Variants in DIAPH3 observed in about 807,000 individuals in gnomAD.
DIAPH3 encodes protein diaphanous homolog 3.
DIAPH3 carries 117 observed loss-of-function variants against 144.3 expected under a neutral mutation model. The observed-to-expected ratio is 0.81, with a 90% CI of 0.70 to 0.95. The LOEUF is 0.95. Among genes scored for constraint, DIAPH3 ranks in the 40% least tolerant of loss-of-function variants. The pLI is 0.00. For missense variants in DIAPH3, 1,421 were observed against 1,412.7 expected, an observed-to-expected ratio of 1.01 and a Z score of -0.09; for synonymous variants, 519 against 488.9, an observed-to-expected ratio of 1.06 and a Z score of -0.81.
At chr13:59,812,515 TAAC>T (rs1347773645) in intron 24 of DIAPH3, among the ~76,000 whole-genome samples, 2 of 152,054 alleles carry the variant, frequency 1.3e-5, no homozygotes, top group African/African-American at 4.8e-5. Context: ...AAATAATAAA[TAAC>T]AACAACAAAA....
chr13:59,774,890 CA>C, intron 25 of DIAPH3, 67 bp from the exon 26 acceptor site: 1 of 1,332,418 alleles, frequency 7.5e-7, no homozygotes, highest in Non-Finnish European at 1.1e-6. Flanking sequence ...AAAGCATATA[CA>C]AAAACTGGTG....
intron 25 of DIAPH3, among the ~76,000 whole-genome samples, chr13:59,796,959 G>T (rs1458640628): frequency 6.7e-6 from 1 of 150,296 alleles, no homozygotes; most frequent in African/African-American, 2.5e-5. Flanking sequence ...GTGTAGATAA[G>T]GAGAATTATG....
intron 17 of DIAPH3, among the ~76,000 whole-genome samples, chr13:59,954,450 A>G (rs1003774467): frequency 3.3e-5 from 5 of 152,198 alleles, no homozygotes; most frequent in Admixed American, 3.3e-4. Context: ...TGGTTGTAGG[A>G]CATGCTTATT....
chr13:59,898,134 C>CAAAAAAAAAAAAAA (rs34238599), intron 20 of DIAPH3, among the ~76,000 whole-genome samples: 46 of 72,186 alleles, frequency 6.4e-4, no homozygotes, highest in African/African-American at 7.7e-4. Context: ...GACTCTGCCT[C>CAAAAAAAAAAAAAA]AAAAAAAAAA....
chr13:60,038,763 C>T (rs1020473454), intron 5 of DIAPH3, among the ~76,000 whole-genome samples: 3 of 151,866 alleles, frequency 2.0e-5, no homozygotes, highest in African/African-American at 7.3e-5. Flanking sequence ...CCTGATAAGC[C>T]TAGATTTTGA....
At chr13:60,089,044 T>C (rs1386674769) in intron 4 of DIAPH3, among the ~76,000 whole-genome samples, 1 of 152,230 alleles carries the variant, frequency 6.6e-6, no homozygotes, top group Non-Finnish European at 1.5e-5. Flanking sequence ...TATAAATTAA[T>C]CCATAGTCTC....
chr13:60,020,213 T>C (rs1026170486), intron 5 of DIAPH3, among the ~76,000 whole-genome samples: 2 of 152,192 alleles, frequency 1.3e-5, no homozygotes, highest in African/African-American at 4.8e-5. Flanking sequence ...TTAGAAATAA[T>C]ATTTAGGTCT....
At chr13:59,971,798 T>A (rs2050397251) in intron 15 of DIAPH3, among the ~76,000 whole-genome samples, 1 of 152,178 alleles carries the variant, frequency 6.6e-6, no homozygotes, top group African/African-American at 2.4e-5. Context: ...ATTCTGTGTA[T>A]GTGCCAACCT....
In DIAPH3 at chr13:59,714,905, C is replaced by T. The variant is rs570332558; in HGVS notation, c.3320-48059G>A. On this transcript the variant is annotated intron_variant, in intron 27 of 27. Transcript: ENST00000400324. The stretch of plus-strand genomic sequence containing the variant: ...GTTTTTGAGAACAAAAATAAGTATT[C>T]TACCTGTCCAAAAAAACCAAAAAAG... 1.2e-3 allele frequency among the ~76,000 whole-genome samples: 190 copies of T among 152,140 alleles called. 1 individual carries two copies. Among genetic ancestry groups the T allele is most frequent in the African/African-American group, 4.1e-3 (170 of 41,516 alleles).
chr13:60,142,906 C>G (rs531347520), intron 1 of DIAPH3, among the ~76,000 whole-genome samples: 1 of 149,370 alleles, frequency 6.7e-6, no homozygotes, highest in Non-Finnish European at 1.5e-5. Flanking sequence ...CACCACCATG[C>G]CCCACATTTT....
intron 4 of DIAPH3, among the ~76,000 whole-genome samples, chr13:60,043,193 A>G (rs545226378): frequency 1.8e-4 from 28 of 152,352 alleles, no homozygotes; most frequent in Non-Finnish European, 3.5e-4. Context: ...TATTCTGAGC[A>G]GTGTAGAAAA....
intron 22 of DIAPH3, among the ~76,000 whole-genome samples, chr13:59,840,762 C>T (rs1005439940): frequency 2.6e-5 from 4 of 151,798 alleles, no homozygotes; most frequent in Non-Finnish European, 5.9e-5. Flanking sequence ...TAACTGTTTG[C>T]TCCCACTATG....
At chr13:60,111,772 G>A (rs939766035) in intron 3 of DIAPH3, among the ~76,000 whole-genome samples, 4 of 152,144 alleles carry the variant, frequency 2.6e-5, no homozygotes, top group Non-Finnish European at 4.4e-5. Context: ...TATACCGTTC[G>A]ATACTTTGGA....
chr13:59,808,544 A>G (rs1447239687), intron 25 of DIAPH3, among the ~76,000 whole-genome samples: 1 of 152,142 alleles, frequency 6.6e-6, no homozygotes, highest in Admixed American at 6.5e-5. Flanking sequence ...AGTCTTAAAA[A>G]TATCCTTTTC....
intron 20 of DIAPH3, among the ~76,000 whole-genome samples, chr13:59,903,964 T>C (rs909220098): frequency 1.3e-5 from 2 of 152,168 alleles, no homozygotes; most frequent in Admixed American, 6.5e-5. Flanking sequence ...CTGTGACTTG[T>C]AAAATAACAC....
intron 17 of DIAPH3, among the ~76,000 whole-genome samples, chr13:59,943,123 T>C (rs1485044466): frequency 6.6e-6 from 1 of 152,230 alleles, no homozygotes; most frequent in Non-Finnish European, 1.5e-5. Context: ...TTAGCACATT[T>C]CCTCTTCTAT....
intron 5 of DIAPH3, among the ~76,000 whole-genome samples, chr13:60,019,510 A>G (rs2053864729): frequency 6.6e-6 from 1 of 152,124 alleles, no homozygotes; most frequent in South Asian, 2.1e-4. Flanking sequence ...AATTGCTTCA[A>G]GGAAAACTTC....
At chr13:59,847,643 C>T (rs2042721630) in intron 22 of DIAPH3, among the ~76,000 whole-genome samples, 1 of 152,104 alleles carries the variant, frequency 6.6e-6, no homozygotes, top group Non-Finnish European at 1.5e-5. Flanking sequence ...TCAAAATGTT[C>T]CCTTAGTATA....
chr13:59,840,749 C>CT (rs1264919520), intron 22 of DIAPH3, among the ~76,000 whole-genome samples: 1 of 151,918 alleles, frequency 6.6e-6, no homozygotes, highest in African/African-American at 2.4e-5. Flanking sequence ...AGTGATGGTA[C>CT]TTTAACTGTT....
Sources: allele counts gnomAD v4.1 joint callset (sites outside exome capture counted in the v4.1 genomes callset), GRCh38; gene constraint gnomAD v4.1.1; transcripts MANE v1.5; gene names NCBI Gene and HGNC (gene_info 2026-07-23, HGNC 2026-07-21).